The following ARMC2 variants were observed in gnomAD, a reference collection of about 807,000 sequenced individuals.
ARMC2 encodes armadillo repeat-containing protein 2.
In ARMC2, 67 loss-of-function variants were observed where a neutral mutation model predicts 90.3. The ratio of observed to expected loss-of-function variants is 0.74; its 90% CI spans 0.61 to 0.91. ARMC2 has a LOEUF of 0.91. ARMC2 is among the 40% of genes least tolerant of loss of function. The pLI is 0.00. For missense variants in ARMC2, 920 were observed against 1,030.9 expected (o/e 0.89, Z 1.47); for synonymous variants, 393 against 393.0 (o/e 1.00, Z 0.00).
the ARMC2 span, among the ~76,000 whole-genome samples, chr6:109,042,823 AC>A: frequency 4.6e-5 from 7 of 152,094 alleles, no homozygotes; most frequent in African/African-American, 1.7e-4. Context: ...TTTCCAGAAA[AC>A]AAGGAGGGAA....
the ARMC2 span, among the ~76,000 whole-genome samples, chr6:108,983,819 G>A: frequency 1.3e-5 from 2 of 152,190 alleles, no homozygotes; most frequent in Admixed American, 1.3e-4. Context: ...TGAATCTACA[G>A]GTCACTCTGG....
In ARMC2 at chr6:108,899,409, T is replaced by G. The variant is rs74721487; in HGVS notation, c.749-285T>G. ...AAGTAAAAATGTACTCAAAACTGTTTGCCTTACTGACAGTCATCAGTATTT... is the reference window on the plus strand; with the variant it reads ...AAGTAAAAATGTACTCAAAACTGTTGGCCTTACTGACAGTCATCAGTATTT... On this transcript the variant is annotated intron_variant, in intron 6 of 17. Transcript: ENST00000392644. Among the ~76,000 whole-genome samples, 1,186 of 152,318 alleles carry G rather than the reference T, an allele frequency of 7.8e-3. 15 individuals carry two copies. Among genetic ancestry groups the G allele is most frequent in the African/African-American group, 0.028 (1,158 of 41,572 alleles).
chr6:109,014,603 T>C, the ARMC2 span, among the ~76,000 whole-genome samples: 4 of 152,216 alleles, frequency 2.6e-5, no homozygotes, highest in Non-Finnish European at 4.4e-5. Context: ...CTCCCTTGCT[T>C]TTACTCAGGG....
chr6:108,895,556 G>T (rs1290235634), intron 6 of ARMC2, among the ~76,000 whole-genome samples: 1 of 151,584 alleles, frequency 6.6e-6, no homozygotes, highest in African/African-American at 2.4e-5. Context: ...CGTCCTTTGG[G>T]CCTTTAAAGT....
the ARMC2 span, among the ~76,000 whole-genome samples, chr6:108,999,321 C>T: frequency 6.6e-6 from 1 of 151,994 alleles, no homozygotes; most frequent in Non-Finnish European, 1.5e-5. Flanking sequence ...TTTTTCCTTA[C>T]TTGACAATAT....
At chr6:108,868,718 G>A in intron 3 of ARMC2, 106 bp from the exon 4 acceptor site, 1 of 978,116 alleles carries the variant, frequency 1.0e-6, no homozygotes. Context: ...ATGAAGGCAG[G>A]CAGATAGGCC....
intron 3 of ARMC2, among the ~76,000 whole-genome samples, chr6:108,867,817 C>T (rs940464722): frequency 9.3e-5 from 14 of 151,086 alleles, no homozygotes; most frequent in African/African-American, 3.2e-4. Context: ...CTCCTTTAAT[C>T]CTAGCTACTC....
the ARMC2 span, among the ~76,000 whole-genome samples, chr6:109,023,973 TCACA>T: frequency 6.6e-6 from 1 of 151,782 alleles, no homozygotes; most frequent in African/African-American, 2.4e-5. Flanking sequence ...AATTCAATGA[TCACA>T]CACACACACC....
At chr6:108,856,061 G>C (rs1209859725) in intron 2 of ARMC2, among the ~76,000 whole-genome samples, 1 of 152,124 alleles carries the variant, frequency 6.6e-6, no homozygotes, top group Non-Finnish European at 1.5e-5. Context: ...TTTTAATGAA[G>C]TCAAGCTTAT....
the ARMC2 span, among the ~76,000 whole-genome samples, chr6:108,993,744 TTTG>T: frequency 5.9e-5 from 9 of 152,134 alleles, no homozygotes; most frequent in East Asian, 3.9e-4. Context: ...TCATATAATT[TTTG>T]TTGTTGTTTT....
the ARMC2 span, among the ~76,000 whole-genome samples, chr6:109,016,881 CAAAT>C: frequency 6.6e-6 from 1 of 152,046 alleles, no homozygotes; most frequent in East Asian, 1.9e-4. Flanking sequence ...TATTTTCTGG[CAAAT>C]AACTCAGAAA....
chr6:108,939,111 G>A (rs73762610), intron 12 of ARMC2, among the ~76,000 whole-genome samples: 2,542 of 152,168 alleles, frequency 0.017, 80 homozygotes, highest in African/African-American at 0.059. Context: ...GAGCCACTGC[G>A]CCCAGCCTAA....
intron 8 of ARMC2, among the ~76,000 whole-genome samples, chr6:108,908,602 G>A (rs998915175): frequency 6.6e-6 from 1 of 151,968 alleles, no homozygotes; most frequent in African/African-American, 2.4e-5. Context: ...GAAAAAATTA[G>A]CCAGGCATGG....
chr6:108,987,550 C>A, the ARMC2 span: 1 of 1,574,690 alleles, frequency 6.4e-7, no homozygotes. Context: ...GGCATCAGGT[C>A]ATATAGCGGG....
intron 10 of ARMC2, 60 bp from the exon 11 acceptor site, chr6:108,928,028 T>C: frequency 1.3e-6 from 2 of 1,503,990 alleles, no homozygotes; most frequent in South Asian, 2.7e-5. Flanking sequence ...TACTATGCTG[T>C]TTCGTGTGGT....
chr6:108,860,562 T>C (rs1775125779), intron 3 of ARMC2, among the ~76,000 whole-genome samples: 1 of 149,870 alleles, frequency 6.7e-6, no homozygotes, highest in South Asian at 2.1e-4. Context: ...CTCAGGAGAC[T>C]GAGGCAGGAG....
the ARMC2 span, among the ~76,000 whole-genome samples, chr6:108,983,493 T>C: frequency 6.6e-6 from 1 of 152,210 alleles, no homozygotes; most frequent in East Asian, 1.9e-4. Flanking sequence ...CTAGCACCAT[T>C]TGTTAAAGAG....
At chr6:108,886,608 G>A (rs994895719) in intron 5 of ARMC2, among the ~76,000 whole-genome samples, 4 of 152,138 alleles carry the variant, frequency 2.6e-5, no homozygotes, top group African/African-American at 9.7e-5. Context: ...CAGCCCAGGA[G>A]CCAAATCTGG....
At chr6:108,952,503 T>C (rs1202633513) in intron 12 of ARMC2, among the ~76,000 whole-genome samples, 3 of 148,762 alleles carry the variant, frequency 2.0e-5, no homozygotes, top group Non-Finnish European at 4.5e-5. Context: ...AGAGGTGTTG[T>C]CATCTAGTGC....
Sources: gnomAD v4.1 joint callset for allele counts (sites outside exome capture counted in the v4.1 genomes callset) on GRCh38, gnomAD v4.1.1 for gene constraint, MANE v1.5 for transcripts, NCBI Gene and HGNC (gene_info 2026-07-23, HGNC 2026-07-21) for gene names.